DMD: variants seen among roughly 807,000 people sequenced by gnomAD.
DMD encodes mutant dystrophin.
In DMD, 63 loss-of-function variants were observed where a neutral mutation model predicts 330.1. The observed-to-expected ratio is 0.19, with a 90% CI of 0.16 to 0.24. DMD has a LOEUF of 0.24. Among genes scored for constraint, DMD ranks in the 10% least tolerant of loss-of-function variants. The probability of loss-of-function intolerance (pLI) is 1.00; values close to 1 mark genes in which losing one functional copy is unlikely to be tolerated. For synonymous variants in DMD, 1,223 were observed against 959.8 expected (o/e 1.27, Z -5.07); for missense variants, 3,344 against 2,684.1 (o/e 1.25, Z -5.43).
At chrX:32,635,139 G>A (rs1363597914) in intron 11 of DMD, among the ~76,000 whole-genome samples, 1 of 111,309 alleles carries the variant, frequency 9.0e-6, no homozygotes, top group African/African-American at 3.3e-5. Context: ...GATTTTCAAT[G>A]CAAAGTCCTA....
chrX:31,359,448 T>C (rs747781142), intron 60 of DMD, among the ~76,000 whole-genome samples: 13 of 111,392 alleles, frequency 1.2e-4, no homozygotes, highest in Non-Finnish European at 2.1e-4. Flanking sequence ...TGAGTTGGAG[T>C]CCCTTACTAG....
chrX:31,952,957 T>C (rs964440779), intron 45 of DMD, among the ~76,000 whole-genome samples: 1 of 112,349 alleles, frequency 8.9e-6, no homozygotes, highest in Non-Finnish European at 1.9e-5. Flanking sequence ...AGAAACAAAC[T>C]GTATGCCTAG....
chrX:32,553,176 T>A (rs1234602336), intron 16 of DMD, among the ~76,000 whole-genome samples: 1 of 112,068 alleles, frequency 8.9e-6, no homozygotes, highest in Non-Finnish European at 1.9e-5. Context: ...TAAATGCCCA[T>A]CAGTGGTAGA....
intron 44 of DMD, among the ~76,000 whole-genome samples, chrX:32,189,765 T>C: frequency 9.0e-6 from 1 of 110,918 alleles, no homozygotes; most frequent in Non-Finnish European, 1.9e-5. Flanking sequence ...GTCACGTGGG[T>C]GGCAAATATC....
chrX:33,053,658 A>ATGAC (rs1774943227), intron 1 of DMD, among the ~76,000 whole-genome samples: 1 of 111,663 alleles, frequency 9.0e-6, no homozygotes, highest in African/African-American at 3.3e-5. Context: ...GGATGTTGAG[A>ATGAC]TGACACACAA....
At chrX:31,959,710 A>G (rs188882913) in intron 45 of DMD, among the ~76,000 whole-genome samples, 78 of 108,480 alleles carry the variant, frequency 7.2e-4, no homozygotes, top group Non-Finnish European at 9.9e-4. Flanking sequence ...TGGGGATTCT[A>G]TCCCTCATAC....
intron 47 of DMD, among the ~76,000 whole-genome samples, chrX:31,895,411 T>C (rs1193352028): frequency 8.9e-6 from 1 of 112,111 alleles, no homozygotes; most frequent in Non-Finnish European, 1.9e-5. Flanking sequence ...AAGCAATCGA[T>C]ACTTTTCAGT....
intron 1 of DMD, among the ~76,000 whole-genome samples, chrX:33,064,579 T>G (rs2094624786): frequency 8.9e-6 from 1 of 112,422 alleles, no homozygotes; most frequent in Non-Finnish European, 1.9e-5. Flanking sequence ...TATTCATTAT[T>G]TAGTTCATTT....
intron 44 of DMD, among the ~76,000 whole-genome samples, chrX:32,044,550 T>C (rs1216952612): frequency 9.0e-6 from 1 of 110,509 alleles, no homozygotes; most frequent in Non-Finnish European, 1.9e-5. Flanking sequence ...GCCTCCCAAG[T>C]AGCTGAGACT....
chrX:32,714,938 T>C (rs2147823283), intron 7 of DMD, among the ~76,000 whole-genome samples: 1 of 111,101 alleles, frequency 9.0e-6, no homozygotes, highest in East Asian at 2.8e-4. Flanking sequence ...CACATAATCG[T>C]TCCCCCACCC....
chrX:32,467,634 A>G (rs1231374856), intron 23 of DMD, among the ~76,000 whole-genome samples: 2 of 31,534 alleles, frequency 6.3e-5, no homozygotes, highest in East Asian at 1.5e-3. Context: ...TTATACACGT[A>G]TATATATATA....
At chrX:32,335,466 TATA>T (rs1301893928) in intron 41 of DMD, among the ~76,000 whole-genome samples, 15 of 103,476 alleles carry the variant, frequency 1.4e-4, no homozygotes, top group Non-Finnish European at 7.8e-5. Context: ...TACATGTATA[TATA>T]ACATGTATTT....
rs1230550208 is a variant in DMD at position 33,325,826 on chromosome X, C to CTT, written c.7+13431_7+13432dup. Among the ~76,000 whole-genome samples, 3 of 111,751 alleles carry CTT rather than the reference C, an allele frequency of 2.7e-5. No homozygotes were observed. The Admixed American group carries it at 2.9e-4, about 11-fold the overall frequency. ...AGAACCACATTTTTGCTTTGTGTTA[C>CTT]TTTACCAATATGCCTGAATCCATGT... On this transcript the variant is annotated intron_variant, in intron 1 of 17. Transcript: ENST00000288447.
At chrX:31,255,139 A>G (rs1433845885) in intron 63 of DMD, among the ~76,000 whole-genome samples, 1 of 111,213 alleles carries the variant, frequency 9.0e-6, no homozygotes, top group Non-Finnish European at 1.9e-5. Flanking sequence ...TTTTCTTAAA[A>G]TTTCAGTAAT....
At chrX:31,964,401 C>T (rs2095333784) in intron 45 of DMD, among the ~76,000 whole-genome samples, 1 of 110,841 alleles carries the variant, frequency 9.0e-6, no homozygotes, top group Non-Finnish European at 1.9e-5. Context: ...ATATAAAAGA[C>T]ATTTTTGAAC....
chrX:33,233,893 T>C (rs1179073017), intron 1 of DMD, among the ~76,000 whole-genome samples: 3 of 112,697 alleles, frequency 2.7e-5, no homozygotes, highest in African/African-American at 9.7e-5. Flanking sequence ...GATATTACAA[T>C]TGGGGATAAC....
chrX:31,873,804 G>A (rs183294780), intron 48 of DMD, among the ~76,000 whole-genome samples: 127 of 111,715 alleles, frequency 1.1e-3, no homozygotes, highest in African/African-American at 3.7e-3. Flanking sequence ...GGAGATAGTG[G>A]TGTTCAATTG....
At chrX:31,958,640 T>C (rs1033549623) in intron 45 of DMD, among the ~76,000 whole-genome samples, 1 of 111,669 alleles carries the variant, frequency 9.0e-6, no homozygotes, top group African/African-American at 3.3e-5. Context: ...CAGTGCTTAA[T>C]GGTTAATGTG....
intron 2 of DMD, among the ~76,000 whole-genome samples, chrX:32,879,424 G>A (rs2083693665): frequency 8.9e-6 from 1 of 111,801 alleles, no homozygotes; most frequent in South Asian, 3.8e-4. Flanking sequence ...CCTCTGCTAT[G>A]CCCTCCTCAT....
Sources: gnomAD v4.1 joint callset for allele counts (sites outside exome capture counted in the v4.1 genomes callset) on GRCh38, gnomAD v4.1.1 for gene constraint, MANE v1.5 for transcripts, NCBI Gene and HGNC (gene_info 2026-07-23, HGNC 2026-07-21) for gene names.